Variants in GRM4 observed in about 807,000 individuals in gnomAD.
The protein encoded by GRM4 is glutamate metabotropic receptor 4.
GRM4 carries 28 observed loss-of-function variants against 81.7 expected under a neutral mutation model. The observed-to-expected ratio is 0.34, with a 90% CI of 0.25 to 0.47. GRM4 has a LOEUF of 0.47. Ranked by LOEUF, GRM4 falls within the 20% of genes least tolerant of loss-of-function variation. GRM4 has a pLI of 1.00. For missense variants in GRM4, 948 were observed against 1,290.0 expected (o/e 0.73, Z 4.06); for synonymous variants, 488 against 528.8 (o/e 0.92, Z 1.06).
At position 34,051,564 on chromosome 6, in the gene GRM4, A is replaced by G. The variant is rs557339095; in HGVS notation, c.1168+4980T>C. Reference sequence around the variant, plus strand: ...CGTCACCTGGCTGGCAGCACTGTCAAAAAGACGGATGCCACATCTGCCTTG... The same window carrying G: ...CGTCACCTGGCTGGCAGCACTGTCAGAAAGACGGATGCCACATCTGCCTTG... On this transcript the variant is annotated intron_variant, in intron 6 of 10. Transcript: ENST00000538487. Among the ~76,000 whole-genome samples, 8 of 152,232 alleles carry G rather than the reference A, an allele frequency of 5.3e-5. 1 individual carries two copies. Among genetic ancestry groups the G allele is most frequent in the South Asian group, 2.1e-4 (1 of 4,818 alleles).
chr6:34,072,100 C>T (rs1190482528), intron 3 of GRM4, among the ~76,000 whole-genome samples: 6 of 150,100 alleles, frequency 4.0e-5, no homozygotes, highest in African/African-American at 1.5e-4. Context: ...ACAATCACCA[C>T]CCACCACAGA....
At chr6:34,101,405 T>C (rs1768830018) in intron 2 of GRM4, among the ~76,000 whole-genome samples, 1 of 152,250 alleles carries the variant, frequency 6.6e-6, no homozygotes, top group African/African-American at 2.4e-5. Flanking sequence ...GAACTCGAAC[T>C]AGCTGCAGAG....
At chr6:34,098,627 C>T (rs1443111585) in intron 2 of GRM4, among the ~76,000 whole-genome samples, 2 of 152,258 alleles carry the variant, frequency 1.3e-5, no homozygotes, top group African/African-American at 2.4e-5. Context: ...TGCTCCTTGC[C>T]CTTCTGATCC....
At chr6:34,099,618 G>A (rs1162893825) in intron 2 of GRM4, among the ~76,000 whole-genome samples, 4 of 152,164 alleles carry the variant, frequency 2.6e-5, no homozygotes, top group South Asian at 2.1e-4. Flanking sequence ...TCCCTGATGC[G>A]CACCGCTGGG....
intron 2 of GRM4, among the ~76,000 whole-genome samples, chr6:34,123,120 C>T (rs1201871931): frequency 6.6e-6 from 1 of 152,164 alleles, no homozygotes. Context: ...GAGTTGGCAG[C>T]AGAGGCAGGC....
At position 34,070,694 on chromosome 6, in the gene GRM4, G is replaced by T. The variant is rs1233930663; in HGVS notation, c.737-8666C>A. Among the ~76,000 whole-genome samples, 1 of 151,610 alleles carries T rather than the reference G, an allele frequency of 6.6e-6. No homozygotes were observed. The highest frequency in any genetic ancestry group is 1.5e-5 in the Non-Finnish European group (1 of 67,892). ...GGGCTGGGGAGGTCTACAGCTGGGCGGGGGGACCAGGGCACCAGGATTATC... is the reference window on the plus strand; with the variant it reads ...GGGCTGGGGAGGTCTACAGCTGGGCTGGGGGACCAGGGCACCAGGATTATC... On this transcript the variant is annotated intron_variant, in intron 3 of 10. Transcript: ENST00000538487. The surrounding 1 kb of genome is among the most constrained non-coding windows in gnomAD (Gnocchi z 4.6).
chr6:34,064,508 C>T lies in GRM4; in HGVS notation c.737-2480G>A, dbSNP rs1160674662. Among the ~76,000 whole-genome samples the T allele has an allele frequency of 6.6e-6, 1 of 152,126 alleles. No homozygotes were observed. Among genetic ancestry groups the T allele is most frequent in the Non-Finnish European group, 1.5e-5 (1 of 67,998 alleles). On this transcript the variant is annotated intron_variant, in intron 3 of 10. Transcript: ENST00000538487. This position sits in a 1 kb window ranked among gnomAD's most constrained non-coding sequence, Gnocchi z 4.4. ...TGTGGAGTTGAGGGGGCTTGTGGGC[C>T]CATGGGCATGATGGGGCATGGTGCC... is the stretch of plus-strand genomic sequence containing the variant.
chr6:34,087,509 C>G lies in GRM4; in HGVS notation c.736+4374G>C, dbSNP rs114125865. Among the ~76,000 whole-genome samples, 926 of 152,096 alleles carry G rather than the reference C, an allele frequency of 6.1e-3. 5 individuals are homozygous for G. Among genetic ancestry groups the G allele is most frequent in the African/African-American group, 0.021 (877 of 41,478 alleles). The stretch of plus-strand genomic sequence containing the variant: ...GCCTTTCTCCCTCCTCAGTGACTCA[C>G]TGGCATTATCTCCAGAGCCCAGGCG... On this transcript the variant is annotated intron_variant, in intron 3 of 10. Transcript: ENST00000538487.
chr6:34,136,744 C>A lies in GRM4; in HGVS notation c.-363-2885G>T, dbSNP rs1770475074. The stretch of plus-strand genomic sequence containing the variant: ...TCCCTCCCACAGGACTGGGTCCCAG[C>A]CCCTGCCCACAGGTCCCTATCCACC... On this transcript the variant is annotated intron_variant, in intron 1 of 10. Transcript: ENST00000538487. This position sits in a 1 kb window ranked among gnomAD's most constrained non-coding sequence, Gnocchi z 4.1. Among the ~76,000 whole-genome samples, 1 of 152,188 alleles carries A rather than the reference C, an allele frequency of 6.6e-6. No individual in the cohort carries two copies. The highest frequency in any genetic ancestry group is 1.5e-5 in the Non-Finnish European group (1 of 68,030).
At chr6:34,067,794 C>G (rs1260119980) in intron 3 of GRM4, among the ~76,000 whole-genome samples, 1 of 151,598 alleles carries the variant, frequency 6.6e-6, no homozygotes, top group Non-Finnish European at 1.5e-5. Flanking sequence ...TGCTCCGGGT[C>G]AGCCTGAGCA....
At chr6:34,099,965 A>C in intron 2 of GRM4, 4 of 716,656 alleles carry the variant, frequency 5.6e-6, no homozygotes, top group Non-Finnish European at 6.8e-6. Context: ...ACCCTCCGGG[A>C]ATTCGAATCA....
intron 3 of GRM4, among the ~76,000 whole-genome samples, chr6:34,071,894 GAC>G (rs1179258049): frequency 6.4e-4 from 21 of 32,574 alleles, no homozygotes; most frequent in African/African-American, 1.7e-3. Context: ...AGCACACACA[GAC>G]ACACAATCAC....
chr6:34,030,376 C>A (rs1288811035), intron 9 of GRM4, among the ~76,000 whole-genome samples: 1 of 152,200 alleles, frequency 6.6e-6, no homozygotes, highest in Non-Finnish European at 1.5e-5. Context: ...CCTTTGCCTG[C>A]TCCTTGTTGA....
intron 3 of GRM4, among the ~76,000 whole-genome samples, chr6:34,079,739 C>A (rs1767489707): frequency 6.6e-6 from 1 of 152,184 alleles, no homozygotes; most frequent in Non-Finnish European, 1.5e-5. Flanking sequence ...CCCTCATCCT[C>A]CAGCCCTCTG....
Position 34,070,792 on chromosome 6 carries a change from C to CCACACACACA in GRM4, c.737-8774_737-8765dup, listed in dbSNP as rs34256571. 3.7e-5 allele frequency among the ~76,000 whole-genome samples: 5 copies of CCACACACACA among 135,400 alleles called. No homozygotes were observed. Among genetic ancestry groups the CCACACACACA allele is most frequent in the Admixed American group, 2.2e-4 (3 of 13,460 alleles). The allele number at this position is 135,400 out of a possible 152,430, so 88.8% of individuals were successfully genotyped here. A position where few individuals can be genotyped will look rare whatever the true frequency, so the allele number is the denominator to read the frequency against. Reference sequence around the variant, plus strand: ...CACCACACCCCCGCCACACCCCCAGCCACACACACACACACACACACACAC... The same window carrying CCACACACACA: ...CACCACACCCCCGCCACACCCCCAGCCACACACACACACACACACACACACACACACACAC... On this transcript the variant is annotated intron_variant, in intron 3 of 10. Coordinates refer to ENST00000538487, the MANE Select transcript of GRM4 (RefSeq NM_000841.4). This position sits in a 1 kb window ranked among gnomAD's most constrained non-coding sequence, Gnocchi z 4.6.
At chr6:34,148,435 G>A (rs1770985171), upstream of GRM4, among the ~76,000 whole-genome samples, 1 of 151,640 alleles carries the variant, frequency 6.6e-6, no homozygotes, top group Admixed American at 6.6e-5. Flanking sequence ...CACACACTGA[G>A]AGACACACAC....
In GRM4 at chr6:34,021,849, G is replaced by A. The variant is rs1763883210; in HGVS notation, c.*972C>T. 1.3e-5 allele frequency: 2 copies of A among 152,688 alleles called. No homozygotes were observed. Among genetic ancestry groups the A allele is most frequent in the Non-Finnish European group, 2.9e-5 (2 of 68,128 alleles). 9.5% of individuals were successfully genotyped at this position (152,688 alleles called of 1,614,324 possible). ...GGACCCTCAGTGGATGTGGAGCCCG[G>A]GTGCAAAACCATGTGTTTATTTTTA... On this transcript the variant is annotated 3_prime_UTR_variant, in exon 11 of 11. Coordinates refer to ENST00000538487, the MANE Select transcript of GRM4 (RefSeq NM_000841.4). The surrounding 1 kb of genome is among the most constrained non-coding windows in gnomAD (Gnocchi z 5.3).
chr6:34,131,346 T>A (rs906251875), intron 2 of GRM4, among the ~76,000 whole-genome samples: 1 of 152,164 alleles, frequency 6.6e-6, no homozygotes, highest in African/African-American at 2.4e-5. Flanking sequence ...AACAAAACCA[T>A]GTACAAATTT....
Position 34,035,620 on chromosome 6 carries a change from T to C in GRM4, c.2442+48A>G, listed in dbSNP as rs759309947. 1 of 1,225,718 alleles carries C rather than the reference T, an allele frequency of 8.2e-7. No individual in the cohort carries two copies. Among genetic ancestry groups the C allele is most frequent in the South Asian group, 1.5e-5 (1 of 68,818 alleles). 75.9% of individuals were successfully genotyped at this position (1,225,718 alleles called of 1,614,324 possible). On this transcript the variant is annotated intron_variant, in intron 9 of 10. Transcript: ENST00000538487. This position sits in a 1 kb window ranked among gnomAD's most constrained non-coding sequence, Gnocchi z 6.6. Reference sequence around the variant, plus strand: ...CCAGCCTCAGGAGGCTGCCCCTTGCTCACTGCCCTCACCTACCCACCGTCC... The same window carrying C: ...CCAGCCTCAGGAGGCTGCCCCTTGCCCACTGCCCTCACCTACCCACCGTCC...
Sources: gnomAD v4.1 joint callset for allele counts (sites outside exome capture counted in the v4.1 genomes callset) on GRCh38, gnomAD v4.1.1 for gene constraint, Gnocchi (gnomAD v3.1) non-coding constraint, MANE v1.5 for transcripts, NCBI Gene and HGNC (gene_info 2026-07-23, HGNC 2026-07-21) for gene names.